The following CRB1 variants were observed in gnomAD, a reference collection of about 807,000 sequenced individuals.
The protein encoded by CRB1 is crumbs cell polarity complex component 1.
A neutral mutation model predicts 120.0 loss-of-function variants in CRB1; 83 were observed. That is an observed-to-expected ratio of 0.69 (90% confidence interval 0.58 to 0.83). The LOEUF is 0.83. CRB1 is among the 40% of genes least tolerant of loss of function. The pLI is 0.00. For synonymous variants in CRB1, 625 were observed against 612.5 expected (o/e 1.02, Z -0.30); for missense variants, 1,699 against 1,687.6 (o/e 1.01, Z -0.12).
chr1:197,222,419 T>C, the CRB1 span: 1 of 768,326 alleles, frequency 1.3e-6, no homozygotes, highest in South Asian at 1.3e-5. Flanking sequence ...ACCTATTTCA[T>C]CGTCCTCGGG....
chr1:197,469,051 TA>T (rs983163713), intron 11 of CRB1, among the ~76,000 whole-genome samples: 1 of 151,988 alleles, frequency 6.6e-6, no homozygotes, highest in Non-Finnish European at 1.5e-5. Flanking sequence ...GACTCATTAA[TA>T]AAGAGCCTCA....
At chr1:197,265,225 C>T (rs983555515), upstream of CRB1, among the ~76,000 whole-genome samples, 18 of 152,090 alleles carry the variant, frequency 1.2e-4, no homozygotes, top group African/African-American at 4.3e-4. Context: ...CATCTCAGTT[C>T]TCATTGATTT....
intron 4 of CRB1, among the ~76,000 whole-genome samples, chr1:197,351,711 T>C (rs978361044): frequency 5.3e-5 from 8 of 151,908 alleles, no homozygotes; most frequent in African/African-American, 1.4e-4. Flanking sequence ...AAGACAACAG[T>C]GGTTAAGGTT....
chr1:197,467,017 A>T (rs569773589), intron 11 of CRB1, among the ~76,000 whole-genome samples: 32 of 152,214 alleles, frequency 2.1e-4, no homozygotes, highest in Non-Finnish European at 3.8e-4. Flanking sequence ...AGAGGAGATA[A>T]GACCATCAAT....
chr1:197,255,339 C>CCATAGTTCCAT, the CRB1 span, among the ~76,000 whole-genome samples: 1 of 152,156 alleles, frequency 6.6e-6, no homozygotes, highest in African/African-American at 2.4e-5. Context: ...CTCCACACCA[C>CCATAGTTCCAT]CATAGTTCCA....
intron 11 of CRB1, chr1:197,442,493 C>T: frequency 6.7e-7 from 1 of 1,483,852 alleles, no homozygotes; most frequent in Non-Finnish European, 8.9e-7. Context: ...TTTTAGATCT[C>T]TGGGGAAGAA....
chr1:197,358,325 T>C (rs572213753), intron 5 of CRB1, among the ~76,000 whole-genome samples: 1 of 152,358 alleles, frequency 6.6e-6, no homozygotes, highest in South Asian at 2.1e-4. Context: ...AATTATTTTT[T>C]AAATATTGGT....
At chr1:197,251,635 CT>C in the CRB1 span, among the ~76,000 whole-genome samples, 1 of 151,994 alleles carries the variant, frequency 6.6e-6, no homozygotes, top group Non-Finnish European at 1.5e-5. Context: ...CATATTGATC[CT>C]CCCTGGCTTC....
intron 4 of CRB1, among the ~76,000 whole-genome samples, chr1:197,347,819 T>C (rs1659863813): frequency 7.3e-6 from 1 of 136,090 alleles, no homozygotes; most frequent in Non-Finnish European, 1.6e-5. Flanking sequence ...CAGGAATATA[T>C]AGAAATCCAT....
intron 5 of CRB1, among the ~76,000 whole-genome samples, chr1:197,416,581 C>T (rs1445597995): frequency 1.3e-5 from 2 of 151,806 alleles, no homozygotes; most frequent in South Asian, 2.1e-4. Flanking sequence ...TCTAAGGGGT[C>T]AAGATATGGT....
intron 1 of CRB1, among the ~76,000 whole-genome samples, chr1:197,310,204 A>C (rs754317419): frequency 6.6e-6 from 1 of 152,142 alleles, no homozygotes; most frequent in African/African-American, 2.4e-5. Context: ...GTCAAAGTTC[A>C]AGGAGGATCC....
chr1:197,415,872 G>T lies in CRB1; in HGVS notation c.1172-5128G>T, dbSNP rs147859646. Among the ~76,000 whole-genome samples, 108 of 152,008 alleles carry T rather than the reference G, an allele frequency of 7.1e-4. No individual in the cohort carries two copies. In the East Asian group the frequency reaches 0.02, roughly 28 times the overall value. On this transcript the variant is annotated intron_variant, in intron 5 of 11. Coordinates refer to ENST00000367400, the MANE Select transcript of CRB1 (RefSeq NM_201253.3). ...TTAGCCAGGATGGTCTCGATCTCCT[G>T]ATCTCGTGATCCGCCCACCTCGGCT...
At chr1:197,412,297 AC>A (rs1323186854) in intron 5 of CRB1, among the ~76,000 whole-genome samples, 1 of 151,956 alleles carries the variant, frequency 6.6e-6, no homozygotes, top group Non-Finnish European at 1.5e-5. Context: ...AGTTGGTGAA[AC>A]TCCTTTGAAT....
chr1:197,379,273 G>A (rs1482586840), intron 5 of CRB1, among the ~76,000 whole-genome samples: 2 of 151,972 alleles, frequency 1.3e-5, no homozygotes, highest in Non-Finnish European at 2.9e-5. Flanking sequence ...ATTCTTAGGA[G>A]ATATTTAAAA....
chr1:197,330,154 T>G (rs1658762966), intron 2 of CRB1, among the ~76,000 whole-genome samples: 1 of 152,170 alleles, frequency 6.6e-6, no homozygotes, highest in Non-Finnish European at 1.5e-5. Context: ...AAAATGAAAT[T>G]TTTCCCCTCT....
At chr1:197,459,927 A>G (rs1472281860) in intron 11 of CRB1, among the ~76,000 whole-genome samples, 1 of 148,534 alleles carries the variant, frequency 6.7e-6, no homozygotes, top group Admixed American at 6.7e-5. Context: ...TCTTCAGTCC[A>G]ATTTTTGATT....
rs1273697509 is a variant in CRB1, at chr1:197,435,416, C to T, written c.3553C>T (p.Pro1185Ser). 4 of 1,601,314 alleles carry T rather than the reference C, an allele frequency of 2.5e-6. No homozygotes were observed. The highest frequency in any genetic ancestry group is 1.3e-5 in the African/African-American group (1 of 74,574). ...CAACATCGATGAATGCTTTTCAAAC[C>T]CCTGTATCCATGGCAACTGCTCTGA... ...ELNIDECFSNPCIHGNCSDRV... is the reference protein window; with the variant it reads ...ELNIDECFSNSCIHGNCSDRV... The change falls in exon 9 of 12, where the codon CCC (proline) becomes TCC (serine). Residue 1185 changes from proline to serine, a missense_variant. By Grantham distance (74) the Pro-to-Ser change is moderately conservative. Transcript: ENST00000367400.
intron 4 of CRB1, among the ~76,000 whole-genome samples, chr1:197,348,771 T>C (rs1659923860): frequency 6.6e-6 from 1 of 152,148 alleles, no homozygotes; most frequent in Non-Finnish European, 1.5e-5. Flanking sequence ...CCACTGCGCC[T>C]GGCCCATAAA....
At chr1:197,426,284 C>T (rs868084964) in intron 6 of CRB1, among the ~76,000 whole-genome samples, 2 of 152,016 alleles carry the variant, frequency 1.3e-5, no homozygotes, top group East Asian at 1.9e-4. Flanking sequence ...TGAGTTGCTA[C>T]AATAATGTAG....
Sources: allele counts gnomAD v4.1 joint callset (sites outside exome capture counted in the v4.1 genomes callset), GRCh38; gene constraint gnomAD v4.1.1; transcripts MANE v1.5; gene names NCBI Gene and HGNC (gene_info 2026-07-23, HGNC 2026-07-21).